The following STAG2 variants were observed in gnomAD, a reference collection of about 807,000 sequenced individuals.
STAG2 encodes cohesin subunit SA-2.
STAG2 carries 14 observed loss-of-function variants against 108.1 expected under a neutral mutation model. The observed-to-expected ratio is 0.13, with a 90% CI of 0.09 to 0.20. STAG2 has a LOEUF of 0.20. Among genes scored for constraint, STAG2 ranks in the 10% least tolerant of loss-of-function variants. The pLI is 1.00. For missense variants in STAG2, 440 were observed against 940.9 expected, an observed-to-expected ratio of 0.47 and a Z score of 6.96; for synonymous variants, 307 against 302.7, an observed-to-expected ratio of 1.01 and a Z score of -0.15.
intron 30 of STAG2, 117 bp downstream of exon 30, chrX:124,086,887 T>C: frequency 1.6e-6 from 1 of 616,297 alleles, no homozygotes; most frequent in Non-Finnish European, 2.4e-6. Context: ...ACAAAATGTG[T>C]TCATTATGTG....
intron 15 of STAG2, 33 bp downstream of exon 15, chrX:124,058,010 TC>T (rs2058258709): frequency 9.9e-7 from 1 of 1,009,566 alleles, no homozygotes; most frequent in African/African-American, 2.0e-5. Context: ...ATACTTAGGT[TC>T]GAAAAATTTT....
At chrX:124,004,588 C>A (rs976406231) in intron 1 of STAG2, among the ~76,000 whole-genome samples, 2 of 110,849 alleles carry the variant, frequency 1.8e-5, no homozygotes, top group African/African-American at 6.7e-5. Flanking sequence ...ATATTTTGTT[C>A]ATCCATTCAT....
chrX:123,962,869 T>C (rs1373280315), intron 1 of STAG2, among the ~76,000 whole-genome samples: 1 of 110,643 alleles, frequency 9.0e-6, no homozygotes, highest in Non-Finnish European at 1.9e-5. Flanking sequence ...CGGACCGCCG[T>C]ATTTCGCAGC....
intron 2 of STAG2, among the ~76,000 whole-genome samples, chrX:124,021,934 T>A (rs2056940563): frequency 1.8e-5 from 2 of 111,460 alleles, no homozygotes; most frequent in South Asian, 7.5e-4. Flanking sequence ...CATATCCTGT[T>A]TCTATTTAGG....
chrX:124,000,194 A>G (rs1187141652), intron 1 of STAG2, among the ~76,000 whole-genome samples: 1 of 111,347 alleles, frequency 9.0e-6, no homozygotes, highest in African/African-American at 3.3e-5. Context: ...TAGCCTTTAT[A>G]ACGTCTTAGT....
intron 1 of STAG2, among the ~76,000 whole-genome samples, chrX:124,014,127 C>G (rs766222091): frequency 9.0e-6 from 1 of 111,121 alleles, no homozygotes; most frequent in Non-Finnish European, 1.9e-5. Context: ...TACTATAATA[C>G]GCTTAAAAAT....
chrX:124,050,398 C>G, intron 11 of STAG2, 89 bp downstream of exon 11: 1 of 929,054 alleles, frequency 1.1e-6, no homozygotes, highest in South Asian at 4.0e-5. Context: ...AGTATGTATA[C>G]CTGGTGACAC....
Position 124,063,153 on chromosome X carries a change from A to G in STAG2, c.1769A>G (p.Gln590Arg), listed in dbSNP as rs756572649. 3 of 1,207,944 alleles carry G rather than the reference A, an allele frequency of 2.5e-6. No individual in the cohort carries two copies. Among genetic ancestry groups the G allele is most frequent in the South Asian group, 3.5e-5 (2 of 56,528 alleles). The change falls in exon 19 of 35, where the codon CAG becomes CGG. Residue 590 changes from glutamine (Q) to arginine (R), a missense_variant. By Grantham distance (43) the Gln-to-Arg change is conservative. Transcript: ENST00000371145. The stretch of plus-strand genomic sequence containing the variant: ...GCAGAAAAGGTGACTAACTTGTTGC[A>G]GTTGCCTCAGTACTTTGATTTGGAA... Reference protein sequence around the residue: ...VDAEKVTNLLQLPQYFDLEIY... With the variant: ...VDAEKVTNLLRLPQYFDLEIY...
chrX:124,025,990 A>C, intron 4 of STAG2, 72 bp downstream of exon 4: 3 of 804,699 alleles, frequency 3.7e-6, no homozygotes, highest in Non-Finnish European at 5.4e-6. Flanking sequence ...GTTATGTCTC[A>C]GATAGTTTTA....
chrX:124,073,537 C>T (rs916959727), intron 25 of STAG2, among the ~76,000 whole-genome samples: 1 of 111,442 alleles, frequency 9.0e-6, no homozygotes, highest in African/African-American at 3.3e-5. Context: ...ATTCTCCCAC[C>T]TCAGTCTCTG....
chrX:124,048,446 T>C (rs910628632), intron 9 of STAG2, among the ~76,000 whole-genome samples: 1 of 111,876 alleles, frequency 8.9e-6, no homozygotes, highest in Admixed American at 9.5e-5. Flanking sequence ...TTACAGTGTT[T>C]TTTTTGGAGG....
chrX:124,029,249 C>T lies in STAG2; in HGVS notation c.124-1712C>T, dbSNP rs191227394. Reference sequence around the variant, plus strand: ...AGCCAGGATGGTCTCGATCTCCTGACCTCGTGATCCGCCCACCTTGGCCTC... The same window carrying T: ...AGCCAGGATGGTCTCGATCTCCTGATCTCGTGATCCGCCCACCTTGGCCTC... On this transcript the variant is annotated intron_variant, in intron 4 of 34. Transcript: ENST00000371145. Among the ~76,000 whole-genome samples, 261 of 107,535 alleles carry T rather than the reference C, an allele frequency of 2.4e-3. 2 individuals carry two copies. Among genetic ancestry groups the T allele is most frequent in the African/African-American group, 8.4e-3 (246 of 29,411 alleles). 93.4% of individuals were successfully genotyped at this position (107,535 alleles called of 115,157 possible).
At chrX:123,970,543 A>G (rs776441174) in intron 1 of STAG2, among the ~76,000 whole-genome samples, 1 of 111,989 alleles carries the variant, frequency 8.9e-6, no homozygotes, top group African/African-American at 3.2e-5. Flanking sequence ...TAACTCTAAT[A>G]TGGCCTCTAT....
rs2059358010 is a variant in STAG2 at position 124,095,624 on chromosome X, T to C, written c.3783+175T>C. 2.8e-5 allele frequency: 12 copies of C among 426,632 alleles called. 1 individual carries two copies. In the South Asian group the frequency reaches 4.7e-4, roughly 17 times the overall value. 35.2% of individuals were successfully genotyped at this position (426,632 alleles called of 1,213,427 possible). On this transcript the variant is annotated intron_variant, in intron 34 of 34. Coordinates refer to ENST00000371145, the MANE Select transcript of STAG2 (RefSeq NM_001042750.2). The stretch of plus-strand genomic sequence containing the variant: ...GGAGGGGAAGAGAGTGCTGCAATAG[T>C]GTTGACAGATTAGAAAAGTACTTTT...
chrX:124,070,092 CT>C (rs746753374), intron 24 of STAG2, among the ~76,000 whole-genome samples: 1 of 111,511 alleles, frequency 9.0e-6, no homozygotes, highest in Non-Finnish European at 1.9e-5. Context: ...TATTAAACAG[CT>C]TATGTGCCCA....
intron 34 of STAG2, among the ~76,000 whole-genome samples, chrX:124,095,871 C>T (rs2059363435): frequency 9.1e-6 from 1 of 109,549 alleles, no homozygotes; most frequent in Non-Finnish European, 1.9e-5. Context: ...TGAACAAAGG[C>T]TTTGATAATG....
chrX:124,102,610 T>C lies in STAG2; in HGVS notation c.*2013T>C. On this transcript the variant is annotated 3_prime_UTR_variant, in exon 35 of 35. Transcript: ENST00000371145. ...TGTTTGGGGAATAATTTATAGAGAATACCATCAGTTTATATTTTTAATAAA... is the reference window on the plus strand; with the variant it reads ...TGTTTGGGGAATAATTTATAGAGAACACCATCAGTTTATATTTTTAATAAA... The C allele has an allele frequency of 7.0e-6, 1 of 143,829 alleles. No individual in the cohort carries two copies. The highest frequency in any genetic ancestry group is 1.4e-5 in the Non-Finnish European group (1 of 71,393). The allele number at this position is 143,829 out of a possible 1,213,427, so 11.9% of individuals were successfully genotyped here.
At position 124,007,105 on chromosome X, in the gene STAG2, A is replaced by ATC. The variant is rs763980138; in HGVS notation, c.-162-14244_-162-14243dup. Among the ~76,000 whole-genome samples, 455 of 102,743 alleles carry ATC rather than the reference A, an allele frequency of 4.4e-3. 3 individuals are homozygous for ATC. Among genetic ancestry groups the ATC allele is most frequent in the African/African-American group, 0.013 (373 of 28,336 alleles). 89.2% of individuals were successfully genotyped at this position (102,743 alleles called of 115,157 possible). On this transcript the variant is annotated intron_variant, in intron 1 of 34. Coordinates refer to ENST00000371145, the MANE Select transcript of STAG2 (RefSeq NM_001042750.2). ...AGCCTCGTACTCCTGGGCTCAAGCG[A>ATC]TCTCTCTCTCTCTCTCTCTTTCTTC...
chrX:123,960,683 C>T (rs1422855033), upstream of STAG2: 5 of 92,295 alleles, frequency 5.4e-5, no homozygotes, highest in South Asian at 5.1e-4. Flanking sequence ...ACTTTCAAAA[C>T]CCCCCACCGC....
Sources: gnomAD v4.1 joint callset for allele counts (sites outside exome capture counted in the v4.1 genomes callset) on GRCh38, gnomAD v4.1.1 for gene constraint, MANE v1.5 for transcripts, NCBI Gene and HGNC (gene_info 2026-07-23, HGNC 2026-07-21) for gene names.